GFRA1: variants seen among roughly 807,000 people sequenced by gnomAD.
The protein encoded by GFRA1 is GDNF family receptor alpha 1, also known as GDNF family receptor alpha-1.
In GFRA1, 16 loss-of-function variants were observed where a neutral mutation model predicts 51.6. The ratio of observed to expected loss-of-function variants is 0.31; its 90% CI spans 0.21 to 0.47. The LOEUF (loss-of-function observed/expected upper bound fraction) is 0.47, where lower values mean the gene tolerates loss of function less well. GFRA1 is among the 20% of genes least tolerant of loss of function. GFRA1 has a pLI of 1.00. For synonymous variants in GFRA1, 270 were observed against 241.3 expected, an observed-to-expected ratio of 1.12 and a Z score of -1.10; for missense variants, 530 against 594.3, an observed-to-expected ratio of 0.89 and a Z score of 1.13.
chr10:116,262,114 A>G (rs1311141604), intron 4 of GFRA1, among the ~76,000 whole-genome samples: 2 of 152,328 alleles, frequency 1.3e-5, no homozygotes, highest in African/African-American at 2.4e-5. Flanking sequence ...GCAAAAAGAA[A>G]TACTTCAGAG....
At chr10:116,137,711 A>C (rs1240165881) in intron 5 of GFRA1, among the ~76,000 whole-genome samples, 1 of 152,248 alleles carries the variant, frequency 6.6e-6, no homozygotes, top group East Asian at 1.9e-4. Context: ...AGCTGGGCAG[A>C]AAGTCTACAG....
intron 9 of GFRA1, among the ~76,000 whole-genome samples, chr10:116,075,250 ATGAG>A (rs1207475656): frequency 6.6e-6 from 1 of 152,172 alleles, no homozygotes; most frequent in Non-Finnish European, 1.5e-5. Flanking sequence ...GACATCATAA[ATGAG>A]TGATCAAACA....
chr10:116,138,029 G>A (rs139815990), intron 5 of GFRA1, among the ~76,000 whole-genome samples: 31 of 152,116 alleles, frequency 2.0e-4, no homozygotes, highest in Admixed American at 7.9e-4. Flanking sequence ...TCTCAAACTC[G>A]TGATCTCGTG....
Position 116,134,854 on chromosome 10 carries a change from C to A in GFRA1, c.434-9297G>T, listed in dbSNP as rs117224669. Among the ~76,000 whole-genome samples the A allele has an allele frequency of 9.3e-4, 141 of 152,282 alleles. 3 individuals are homozygous for A. In the East Asian group the frequency reaches 0.026, roughly 29 times the overall value. On this transcript the variant is annotated intron_variant, in intron 5 of 10. Transcript: ENST00000355422. ...ACGCACATTCTGTCGCTTGCCTGCA[C>A]CCTCTGCTGTGCAAACCTTAAAAAA...
At chr10:116,190,994 G>A (rs994182633) in intron 5 of GFRA1, among the ~76,000 whole-genome samples, 3 of 152,206 alleles carry the variant, frequency 2.0e-5, no homozygotes, top group Admixed American at 1.3e-4. Context: ...AGGGGAGCAG[G>A]CATCTACTTG....
Position 116,259,807 on chromosome 10 carries a change from G to A in GFRA1, c.418+9696C>T, listed in dbSNP as rs192710661. Among the ~76,000 whole-genome samples, 26 of 152,284 alleles carry A rather than the reference G, an allele frequency of 1.7e-4. No individual in the cohort carries two copies. In the East Asian group the frequency reaches 1.7e-3, roughly 10 times the overall value. On this transcript the variant is annotated intron_variant, in intron 4 of 10. Coordinates refer to ENST00000355422, the MANE Select transcript of GFRA1 (RefSeq NM_005264.8). ...AGCTCTTCCAGGTATCAGCTGTGTGGCCTTAAGAAAGTTACTCAACCTCTC... is the reference window on the plus strand; with the variant it reads ...AGCTCTTCCAGGTATCAGCTGTGTGACCTTAAGAAAGTTACTCAACCTCTC...
At chr10:116,148,675 G>A (rs1958937765) in intron 5 of GFRA1, among the ~76,000 whole-genome samples, 1 of 152,040 alleles carries the variant, frequency 6.6e-6, no homozygotes, top group South Asian at 2.1e-4. Flanking sequence ...TTTACTAGGG[G>A]GTACATATGG....
intron 4 of GFRA1, among the ~76,000 whole-genome samples, chr10:116,232,880 T>G (rs1966768693): frequency 6.6e-6 from 1 of 152,170 alleles, no homozygotes; most frequent in Admixed American, 6.5e-5. Flanking sequence ...CTCATGTGTT[T>G]TTCTGCTTTG....
At chr10:116,101,326 A>G (rs1321627471) in intron 6 of GFRA1, among the ~76,000 whole-genome samples, 1 of 152,208 alleles carries the variant, frequency 6.6e-6, no homozygotes, top group Non-Finnish European at 1.5e-5. Context: ...GACGACAGCA[A>G]TGATGAGCTC....
At chr10:116,123,622 G>A (rs1000564760) in intron 6 of GFRA1, among the ~76,000 whole-genome samples, 2 of 152,152 alleles carry the variant, frequency 1.3e-5, no homozygotes, top group Admixed American at 6.5e-5. Context: ...TAGAAACGGG[G>A]AACCAATAGG....
chr10:116,115,245 C>G (rs1957366605), intron 6 of GFRA1, among the ~76,000 whole-genome samples: 1 of 152,058 alleles, frequency 6.6e-6, no homozygotes, highest in African/African-American at 2.4e-5. Context: ...TGGGGTAATG[C>G]CTGGGATGGG....
At chr10:116,188,946 A>C (rs1962993159) in intron 5 of GFRA1, among the ~76,000 whole-genome samples, 1 of 151,530 alleles carries the variant, frequency 6.6e-6, no homozygotes, top group African/African-American at 2.4e-5. Context: ...AGTATTTATT[A>C]TCACAATTTA....
At chr10:116,182,114 G>A (rs1226432741) in intron 5 of GFRA1, among the ~76,000 whole-genome samples, 2 of 151,918 alleles carry the variant, frequency 1.3e-5, no homozygotes, top group African/African-American at 4.8e-5. Context: ...GTGGTGGGGA[G>A]GGCAGAGATG....
chr10:116,265,928 A>C (rs1969621704), intron 4 of GFRA1, among the ~76,000 whole-genome samples: 1 of 152,050 alleles, frequency 6.6e-6, no homozygotes, highest in African/African-American at 2.4e-5. Flanking sequence ...TTCCGCTCTC[A>C]GGTTTCTGGA....
At chr10:116,205,583 AG>A (rs1331387168) in intron 5 of GFRA1, among the ~76,000 whole-genome samples, 1 of 118,484 alleles carries the variant, frequency 8.4e-6, no homozygotes, top group Non-Finnish European at 1.7e-5. Context: ...CAAAAAAGAA[AG>A]GAAAAAAAAA....
intron 5 of GFRA1, among the ~76,000 whole-genome samples, chr10:116,138,375 T>TC (rs34204592): frequency 0.27 from 41,756 of 152,014 alleles, 6,619 homozygotes; most frequent in African/African-American, 0.45. Context: ...GTTAAACCTT[T>TC]TTTTTATGCC....
intron 5 of GFRA1, 122 bp downstream of exon 5, chr10:116,211,509 G>A: frequency 1.1e-6 from 1 of 887,330 alleles, no homozygotes; most frequent in Admixed American, 2.1e-5. Flanking sequence ...TGGTGTCCCT[G>A]AGGGCCTAAA....
intron 5 of GFRA1, among the ~76,000 whole-genome samples, chr10:116,180,819 C>G (rs1962145701): frequency 6.6e-6 from 1 of 152,188 alleles, no homozygotes; most frequent in South Asian, 2.1e-4. Flanking sequence ...AAATAACGTT[C>G]TTTCTAGACC....
intron 5 of GFRA1, among the ~76,000 whole-genome samples, chr10:116,198,394 A>G (rs1388190935): frequency 6.6e-6 from 1 of 152,172 alleles, no homozygotes; most frequent in Non-Finnish European, 1.5e-5. Flanking sequence ...TCTCAAATAA[A>G]ACCTGTGCAT....
Sources: gnomAD v4.1 joint callset for allele counts (sites outside exome capture counted in the v4.1 genomes callset) on GRCh38, gnomAD v4.1.1 for gene constraint, MANE v1.5 for transcripts, NCBI Gene and HGNC (gene_info 2026-07-23, HGNC 2026-07-21) for gene names.